Variants in LRP1B observed in about 807,000 individuals in gnomAD.
The protein encoded by LRP1B is low-density lipoprotein receptor-related protein 1B.
A neutral mutation model predicts 556.6 loss-of-function variants in LRP1B; 217 were observed. That is an observed-to-expected ratio of 0.39 (90% CI 0.35 to 0.44). The LOEUF (loss-of-function observed/expected upper bound fraction) is 0.44. Ranked by LOEUF, LRP1B falls within the 20% of genes least tolerant of loss-of-function variation. The pLI, the probability that LRP1B is intolerant of heterozygous loss-of-function variation, is 1.00. For synonymous variants in LRP1B, 2,047 were observed against 1,865.8 expected (o/e 1.10, Z -2.50); for missense variants, 5,053 against 5,620.8 (o/e 0.90, Z 3.23).
At chr2:141,017,822 C>T (rs1324599313) in intron 12 of LRP1B, among the ~76,000 whole-genome samples, 2 of 151,456 alleles carry the variant, frequency 1.3e-5, no homozygotes, top group Non-Finnish European at 2.9e-5. Context: ...TGGCAAAACC[C>T]CATCTCTACA....
chr2:142,033,727 T>C (rs2105201496), intron 1 of LRP1B, among the ~76,000 whole-genome samples: 1 of 151,890 alleles, frequency 6.6e-6, no homozygotes, highest in South Asian at 2.1e-4. Context: ...CTCAAGAAGA[T>C]TTCCCACTAA....
intron 2 of LRP1B, among the ~76,000 whole-genome samples, chr2:141,585,466 T>TGTGTGTGTGTGTGA (rs1553538855): frequency 1.4e-5 from 2 of 145,436 alleles, no homozygotes; most frequent in Admixed American, 6.9e-5. Flanking sequence ...TGTGTGTGTG[T>TGTGTGTGTGTGTGA]GTGATGGGGT....
rs150588290 is a variant in LRP1B at position 140,857,943 on chromosome 2, G to GA, written c.4580-6161dup. ...ATGTCACTTGTTACATGCTTTGAAA[G>GA]AAAAAAAAACATATCAGGGAAGTTT... On this transcript the variant is annotated intron_variant, in intron 27 of 90. Coordinates refer to ENST00000389484, the MANE Select transcript of LRP1B (RefSeq NM_018557.3). Among the ~76,000 whole-genome samples the GA allele has an allele frequency of 1.3e-3, 189 of 149,642 alleles. 1 individual carries two copies. The highest frequency in any genetic ancestry group is 3.6e-3 in the African/African-American group (147 of 40,818).
chr2:141,785,895 T>A (rs185214104), intron 2 of LRP1B, among the ~76,000 whole-genome samples: 2 of 151,856 alleles, frequency 1.3e-5, no homozygotes, highest in South Asian at 2.1e-4. Context: ...AAGAACAGAA[T>A]TTTGAGGTGG....
chr2:142,037,428 A>G (rs1437328289), intron 1 of LRP1B, among the ~76,000 whole-genome samples: 3 of 151,672 alleles, frequency 2.0e-5, no homozygotes, highest in Admixed American at 6.6e-5. Context: ...GATAATGAAA[A>G]GAAGCAGGAT....
At chr2:140,697,722 T>C (rs1686482138) in intron 41 of LRP1B, among the ~76,000 whole-genome samples, 1 of 152,062 alleles carries the variant, frequency 6.6e-6, no homozygotes, top group Non-Finnish European at 1.5e-5. Context: ...TTATATGAAA[T>C]ATCTAGAATT....
intron 5 of LRP1B, among the ~76,000 whole-genome samples, chr2:141,235,388 T>C (rs929072824): frequency 6.6e-6 from 1 of 152,132 alleles, no homozygotes; most frequent in African/African-American, 2.4e-5. Context: ...GTTTTTATAA[T>C]CAGGTATGAT....
chr2:141,591,085 C>T (rs940288296), intron 2 of LRP1B, among the ~76,000 whole-genome samples: 1 of 152,160 alleles, frequency 6.6e-6, no homozygotes, highest in African/African-American at 2.4e-5. Context: ...GATAATTTAG[C>T]GGTGATACTC....
At chr2:141,628,578 C>T (rs1688786227) in intron 2 of LRP1B, among the ~76,000 whole-genome samples, 1 of 152,108 alleles carries the variant, frequency 6.6e-6, no homozygotes, top group Admixed American at 6.5e-5. Context: ...AAATGTCTGT[C>T]AGTCTTCAAG....
At chr2:140,805,397 C>T (rs1690675956) in intron 32 of LRP1B, among the ~76,000 whole-genome samples, 1 of 152,118 alleles carries the variant, frequency 6.6e-6, no homozygotes, top group Non-Finnish European at 1.5e-5. Context: ...TGAGGATAGC[C>T]AATTGCAAGT....
chr2:141,156,715 A>G (rs989300854), intron 7 of LRP1B, among the ~76,000 whole-genome samples: 1 of 152,130 alleles, frequency 6.6e-6, no homozygotes, highest in African/African-American at 2.4e-5. Flanking sequence ...GAGTTCTCTC[A>G]TAGATATATA....
rs905833591 is a variant in LRP1B, at chr2:141,431,720, T to C, written c.343+48676A>G. Among the ~76,000 whole-genome samples the C allele has an allele frequency of 9.2e-5, 14 of 152,268 alleles. No homozygotes were observed. In the East Asian group the frequency reaches 2.3e-3, roughly 25 times the overall value. ...TTTATTAAGTTAATTCAAGAAAATA[T>C]CTGATTTTTAAAATATTATACATTT... On this transcript the variant is annotated intron_variant, in intron 3 of 90. Transcript: ENST00000389484.
At chr2:140,622,540 G>A (rs1683492712) in intron 41 of LRP1B, among the ~76,000 whole-genome samples, 1 of 152,156 alleles carries the variant, frequency 6.6e-6, no homozygotes, top group South Asian at 2.1e-4. Context: ...CGGCTGAGGT[G>A]AAGATGATTT....
chr2:141,711,804 G>A (rs1269396273), intron 2 of LRP1B, among the ~76,000 whole-genome samples: 1 of 151,984 alleles, frequency 6.6e-6, no homozygotes, highest in East Asian at 1.9e-4. Context: ...CTTTCCTCCA[G>A]TTACAACACA....
chr2:141,812,324 A>G (rs917327190), intron 1 of LRP1B, among the ~76,000 whole-genome samples: 2 of 152,174 alleles, frequency 1.3e-5, no homozygotes, highest in East Asian at 1.9e-4. Context: ...AGTAATTATT[A>G]GTAATTATTA....
At chr2:140,277,085 C>CTT (rs149217039) in intron 84 of LRP1B, among the ~76,000 whole-genome samples, 25,481 of 150,224 alleles carry the variant, frequency 0.17, 2,604 homozygotes, top group East Asian at 0.33. Context: ...TTTTGAAGCG[C>CTT]TTTTTTTTTA....
chr2:141,082,166 T>C (rs77467299), intron 7 of LRP1B, among the ~76,000 whole-genome samples: 4,974 of 152,204 alleles, frequency 0.033, 91 homozygotes, highest in South Asian at 0.074. Flanking sequence ...TGAAAAGAAA[T>C]AGCACACTGA....
chr2:141,146,255 T>C lies in LRP1B; in HGVS notation c.1013+42166A>G, dbSNP rs552728979. On this transcript the variant is annotated intron_variant, in intron 7 of 90. Transcript: ENST00000389484. The stretch of plus-strand genomic sequence containing the variant: ...GTTCACTCTTACCACCTATTAGTCT[T>C]CATGTTTCCTCCCATGCCGGGTTCA... 2.0e-5 allele frequency among the ~76,000 whole-genome samples: 3 copies of C among 152,282 alleles called. No individual in the cohort carries two copies. In the South Asian group the frequency reaches 6.2e-4, roughly 32 times the overall value.
At chr2:140,268,253 T>G (rs913459908) in intron 86 of LRP1B, among the ~76,000 whole-genome samples, 3 of 151,978 alleles carry the variant, frequency 2.0e-5, no homozygotes, top group Non-Finnish European at 4.4e-5. Flanking sequence ...CATTCTTTTC[T>G]CTGGTTGCAA....
Sources: allele counts gnomAD v4.1 joint callset (sites outside exome capture counted in the v4.1 genomes callset), GRCh38; gene constraint gnomAD v4.1.1; transcripts MANE v1.5; gene names NCBI Gene and HGNC (gene_info 2026-07-23, HGNC 2026-07-21).